The following KCNQ4 variants were observed in gnomAD, a reference collection of about 807,000 sequenced individuals.
The protein encoded by KCNQ4 is potassium voltage-gated channel subfamily KQT member 4.
Under a neutral mutation model 72.6 loss-of-function variants are expected in KCNQ4, and 31 were observed. That is an observed-to-expected ratio of 0.43 (90% CI 0.32 to 0.58). The LOEUF (loss-of-function observed/expected upper bound fraction) is 0.58, where lower values mean the gene tolerates loss of function less well. Among genes scored for constraint, KCNQ4 ranks in the 20% least tolerant of loss-of-function variants. KCNQ4 has a pLI of 0.08. For missense variants in KCNQ4, 869 were observed against 962.6 expected, an observed-to-expected ratio of 0.90 and a Z score of 1.29; for synonymous variants, 405 against 403.7, an observed-to-expected ratio of 1.00 and a Z score of -0.04.
intron 1 of KCNQ4, among the ~76,000 whole-genome samples, chr1:40,813,632 C>T (rs1417315639): frequency 2.0e-5 from 3 of 152,168 alleles, no homozygotes; most frequent in Non-Finnish European, 4.4e-5. Context: ...CATTTGGACA[C>T]ACGAGCTGGA....
intron 12 of KCNQ4, among the ~76,000 whole-genome samples, chr1:40,835,914 T>G: frequency 6.6e-6 from 1 of 150,848 alleles, no homozygotes. Context: ...TGCACTGGAG[T>G]GAGAGGTAGG....
intron 9 of KCNQ4, 54 bp downstream of exon 9, chr1:40,824,312 TTC>T (rs1218166792): frequency 6.4e-7 from 1 of 1,557,316 alleles, no homozygotes; most frequent in Non-Finnish European, 8.7e-7. Context: ...TCTTCTTCCA[TTC>T]TCTGTCTTCA....
intron 1 of KCNQ4, among the ~76,000 whole-genome samples, chr1:40,814,789 A>T (rs1010274173): frequency 5.9e-5 from 9 of 152,246 alleles, no homozygotes; most frequent in African/African-American, 2.2e-4. Context: ...TTTACCACCC[A>T]TAGATAAGCC....
chr1:40,784,251 C>T lies in KCNQ4; in HGVS notation c.158C>T (p.Pro53Leu). The change falls in exon 1 of 14, where the codon CCG (proline) becomes CTG (leucine). Residue 53 changes from proline (P) to leucine (L), a missense_variant. Coordinates refer to ENST00000347132, the MANE Select transcript of KCNQ4 (RefSeq NM_004700.4). The surrounding 1 kb of genome is among the most constrained non-coding windows in gnomAD (Gnocchi z 4.1). Reference sequence around the variant, plus strand: ...CTCGGCCTCCTGGGCAGCCCCCTGCCGCCGGGCGCGCCCCTCCCTGGGCCG... The same window carrying T: ...CTCGGCCTCCTGGGCAGCCCCCTGCTGCCGGGCGCGCCCCTCCCTGGGCCG... ...RRLGLLGSPL[P>L]PGAPLPGPGS... 2.2e-6 allele frequency: 3 copies of T among 1,381,226 alleles called. No individual in the cohort carries two copies. Among genetic ancestry groups the T allele is most frequent in the South Asian group, 1.6e-5 (1 of 61,292 alleles). The allele number at this position is 1,381,226 out of a possible 1,614,324, so 85.6% of individuals were successfully genotyped here. A position where few individuals can be genotyped will look rare whatever the true frequency, so the allele number is the denominator to read the frequency against.
chr1:40,813,354 C>T (rs546558561), intron 1 of KCNQ4, among the ~76,000 whole-genome samples: 1 of 152,282 alleles, frequency 6.6e-6, no homozygotes, highest in Non-Finnish European at 1.5e-5. Flanking sequence ...AGGTAGGTGC[C>T]AGATGGTGGC....
At chr1:40,816,307 C>T (rs140407884) in intron 1 of KCNQ4, among the ~76,000 whole-genome samples, 2 of 152,270 alleles carry the variant, frequency 1.3e-5, no homozygotes, top group African/African-American at 2.4e-5. Flanking sequence ...CCACCTCATT[C>T]GCCTCTGCTG....
intron 3 of KCNQ4, 103 bp from the exon 4 acceptor site, chr1:40,818,402 T>TCCCCCACCCAC: frequency 7.0e-7 from 1 of 1,419,648 alleles, no homozygotes; most frequent in Non-Finnish European, 9.7e-7. Flanking sequence ...CAGCGGACCC[T>TCCCCCACCCAC]CCCCCTCCCT....
At chr1:40,789,455 C>T (rs955837648) in intron 1 of KCNQ4, among the ~76,000 whole-genome samples, 4 of 152,284 alleles carry the variant, frequency 2.6e-5, no homozygotes, top group East Asian at 1.9e-4. Flanking sequence ...CCAAATTTTT[C>T]GTGCTGCTGT....
At chr1:40,816,382 G>A (rs1428731456) in intron 1 of KCNQ4, among the ~76,000 whole-genome samples, 3 of 152,088 alleles carry the variant, frequency 2.0e-5, no homozygotes, top group African/African-American at 4.8e-5. Context: ...AAGGCCACCA[G>A]TTTCTCTCCT....
In KCNQ4 at chr1:40,818,509, C is replaced by T. The variant is rs1165311539; in HGVS notation, c.537C>T (p.Phe179=). 3 of 1,601,364 alleles carry T rather than the reference C, an allele frequency of 1.9e-6. No homozygotes were observed. The highest frequency in any genetic ancestry group is 1.1e-5 in the South Asian group (1 of 91,066). Residue 179 remains phenylalanine (F), a synonymous_variant, in exon 4 of 14, where the codon TTC becomes TTT. Transcript: ENST00000347132. ...FARKPFCVID[F]IVFVASVAVI... is the part of the protein sequence containing the mutation. Reference sequence around the variant, plus strand: ...TCGCCGCCCCCGCCCCTGCAGACTTCATCGTGTTCGTGGCCTCGGTGGCCG... The same window carrying T: ...TCGCCGCCCCCGCCCCTGCAGACTTTATCGTGTTCGTGGCCTCGGTGGCCG...
At chr1:40,826,704 C>T (rs1415209949) in intron 9 of KCNQ4, 3 of 454,992 alleles carry the variant, frequency 6.6e-6, no homozygotes, top group South Asian at 1.5e-5. Context: ...GGTACCCCCT[C>T]GCCTGCTCCT....
intron 1 of KCNQ4, among the ~76,000 whole-genome samples, chr1:40,805,881 G>A (rs949022050): frequency 1.4e-4 from 21 of 151,138 alleles, no homozygotes; most frequent in Non-Finnish European, 2.2e-4. Context: ...TTGCTCTGTC[G>A]CCCAGGCTGG....
chr1:40,833,101 T>A lies in KCNQ4; in HGVS notation c.1601T>A (p.Ile534Asn). The A allele has an allele frequency of 1.2e-6, 2 of 1,611,460 alleles. No individual in the cohort carries two copies. The highest frequency in any genetic ancestry group is 1.7e-6 in the Non-Finnish European group (2 of 1,179,624). ...ATCATGCCTGCTGTGAAGACAGTCA[T>A]CCGCTCCATCAGGTAAGACTGAGGC... ...DDIMPAVKTV[I>N]RSIRILKFLV... is the part of the protein sequence containing the mutation. The change falls in exon 11 of 14, where the codon ATC becomes AAC. Residue 534 changes from isoleucine to asparagine, a missense_variant. Coordinates refer to ENST00000347132, the MANE Select transcript of KCNQ4 (RefSeq NM_004700.4).
At chr1:40,805,659 T>C (rs1008531465) in intron 1 of KCNQ4, among the ~76,000 whole-genome samples, 1 of 152,134 alleles carries the variant, frequency 6.6e-6, no homozygotes, top group African/African-American at 2.4e-5. Flanking sequence ...GCGTTTGCCA[T>C]TGTCAGGGAC....
chr1:40,786,045 G>T (rs1336031514), intron 1 of KCNQ4, among the ~76,000 whole-genome samples: 1 of 152,150 alleles, frequency 6.6e-6, no homozygotes, highest in Non-Finnish European at 1.5e-5. Context: ...GAATATTTGT[G>T]GCTATAAAGA....
chr1:40,807,142 T>C (rs751403373), intron 1 of KCNQ4, among the ~76,000 whole-genome samples: 1 of 152,156 alleles, frequency 6.6e-6, no homozygotes, highest in Non-Finnish European at 1.5e-5. Context: ...GGGAATGCTT[T>C]TTTTCTAAGC....
At chr1:40,818,821 G>A in intron 4 of KCNQ4, 141 bp downstream of exon 4, 1 of 948,984 alleles carries the variant, frequency 1.1e-6, no homozygotes, top group Non-Finnish European at 1.6e-6. Flanking sequence ...AGCCCTAGCA[G>A]GAGGCGAGGT....
chr1:40,826,615 G>T (rs1034754095), intron 9 of KCNQ4: 7 of 454,218 alleles, frequency 1.5e-5, no homozygotes, highest in Non-Finnish European at 3.1e-5. Flanking sequence ...ACCTCTGTTC[G>T]TGTCTTATTC....
At chr1:40,796,915 CAAATAAAT>C (rs3070277) in intron 1 of KCNQ4, among the ~76,000 whole-genome samples, 7,531 of 147,332 alleles carry the variant, frequency 0.051, 230 homozygotes, top group Non-Finnish European at 0.077. Flanking sequence ...GAGACTCCAT[CAAATAAAT>C]AAATAAATAA....
Sources: gnomAD v4.1 joint callset for allele counts (sites outside exome capture counted in the v4.1 genomes callset) on GRCh38, gnomAD v4.1.1 for gene constraint, Gnocchi (gnomAD v3.1) non-coding constraint, MANE v1.5 for transcripts, NCBI Gene and HGNC (gene_info 2026-07-23, HGNC 2026-07-21) for gene names.